The following TMEM260 variants were observed in gnomAD, a reference collection of about 807,000 sequenced individuals.
TMEM260 encodes transmembrane protein 260.
In TMEM260, 82 loss-of-function variants were observed where a neutral mutation model predicts 88.9. That is an observed-to-expected ratio of 0.92 (90% CI 0.77 to 1.11). The LOEUF is 1.11. Ranked by LOEUF, TMEM260 falls within the 50% of genes least tolerant of loss-of-function variation. TMEM260 has a pLI of 0.00. For missense variants in TMEM260, 902 were observed against 853.4 expected (o/e 1.06, Z -0.71); for synonymous variants, 314 against 309.3 (o/e 1.02, Z -0.16).
chr14:56,623,170 G>A (rs1888037112), intron 11 of TMEM260, among the ~76,000 whole-genome samples: 1 of 152,174 alleles, frequency 6.6e-6, no homozygotes, highest in African/African-American at 2.4e-5. Context: ...GCATTTGAAT[G>A]CAAGAAACAG....
rs527778376 is a variant in TMEM260, at chr14:56,601,135, T to G, written c.345-2680T>G. On this transcript the variant is annotated intron_variant, in intron 3 of 15. Transcript: ENST00000261556. ...TATCATCGAAGTCAAAAATTTTACT[T>G]TACATTCTTCAATTTTTAAAACCTT... Among the ~76,000 whole-genome samples the G allele has an allele frequency of 3.3e-5, 5 of 152,292 alleles. No homozygotes were observed. In the South Asian group the frequency reaches 1.0e-3, roughly 32 times the overall value.
rs1322927673 is a variant in TMEM260 at position 56,617,396 on chromosome 14, A to G, written c.1056+99A>G. Reference sequence around the variant, plus strand: ...TGTAGAAGGGCAAATTACTTGAGGAATAGTTAAAATTTTATATACATTTTT... The same window carrying G: ...TGTAGAAGGGCAAATTACTTGAGGAGTAGTTAAAATTTTATATACATTTTT... On this transcript the variant is annotated intron_variant, in intron 9 of 15. Coordinates refer to ENST00000261556, the MANE Select transcript of TMEM260 (RefSeq NM_017799.4). 17 of 677,634 alleles carry G rather than the reference A, an allele frequency of 2.5e-5. 1 individual carries two copies. The highest frequency in any genetic ancestry group is 5.0e-4 in the Middle Eastern group (2 of 3,994). 42.0% of individuals were successfully genotyped at this position (677,634 alleles called of 1,614,324 possible).
chr14:56,632,825 C>T (rs1025379554), intron 12 of TMEM260, among the ~76,000 whole-genome samples, 170 bp from the exon 13 acceptor site: 1 of 152,098 alleles, frequency 6.6e-6, no homozygotes, highest in African/African-American at 2.4e-5. Context: ...GTTGCCATAC[C>T]TCTTTCACAA....
chr14:56,596,310 A>T (rs918952044), intron 3 of TMEM260, among the ~76,000 whole-genome samples: 17 of 151,576 alleles, frequency 1.1e-4, no homozygotes, highest in African/African-American at 4.1e-4. Flanking sequence ...AATAATATAT[A>T]TATGGGAAAC....
downstream of TMEM260, chr14:56,650,278 G>C (rs7159773): frequency 3.0e-6 from 1 of 333,072 alleles, no homozygotes; most frequent in Non-Finnish European, 5.9e-6. Flanking sequence ...GTGGGAGCCA[G>C]TGAAACTGTC....
intron 4 of TMEM260, 135 bp from the exon 5 acceptor site, chr14:56,605,435 T>A (rs1301594614): frequency 2.4e-6 from 1 of 418,594 alleles, no homozygotes; most frequent in African/African-American, 2.1e-5. Flanking sequence ...TTAAAATAAC[T>A]GCTTGCATCT....
intron 3 of TMEM260, among the ~76,000 whole-genome samples, chr14:56,589,797 A>G (rs1208587226): frequency 6.6e-6 from 1 of 152,196 alleles, no homozygotes; most frequent in Non-Finnish European, 1.5e-5. Flanking sequence ...ATTAAATTTT[A>G]GAAGGCGAAG....
chr14:56,609,143 A>T lies in TMEM260; in HGVS notation c.674A>T (p.Tyr225Phe). The change falls in exon 6 of 16, where the codon TAC (tyrosine) becomes TTC (phenylalanine). Residue 225 changes from tyrosine to phenylalanine, a missense_variant. Coordinates refer to ENST00000261556, the MANE Select transcript of TMEM260 (RefSeq NM_017799.4). ...GGCTCTTTGTTGAAGTTGAGCCTGT[A>T]CTTCTCTGCTGGTTTGCTGCCCTAT... ...SLGSLLKLSL[Y>F]FSAGLLPYVH... 1 of 1,614,120 alleles carries T rather than the reference A, an allele frequency of 6.2e-7. No homozygotes were observed.
intron 15 of TMEM260, among the ~76,000 whole-genome samples, chr14:56,636,829 C>T (rs1889129726): frequency 6.6e-6 from 1 of 152,136 alleles, no homozygotes; most frequent in African/African-American, 2.4e-5. Flanking sequence ...ATGTCTAGTC[C>T]TAATCTCCAC....
chr14:56,617,520 T>TTTAAATAGTTAAATAGTTAAATA (rs1281267425), intron 9 of TMEM260, among the ~76,000 whole-genome samples: 2 of 152,188 alleles, frequency 1.3e-5, no homozygotes, highest in African/African-American at 4.8e-5. Context: ...GAAAAGTAAA[T>TTTAAATAGTTAAATAGTTAAATA]GTAAAGTAGA....
chr14:56,594,704 C>T (rs1336911628), intron 3 of TMEM260, among the ~76,000 whole-genome samples: 1 of 152,158 alleles, frequency 6.6e-6, no homozygotes, highest in Non-Finnish European at 1.5e-5. Context: ...CTCAGATTAA[C>T]AATTTCATTT....
At chr14:56,630,976 AGT>A (rs1297943457) in intron 12 of TMEM260, among the ~76,000 whole-genome samples, 2 of 152,074 alleles carry the variant, frequency 1.3e-5, no homozygotes, top group Non-Finnish European at 2.9e-5. Flanking sequence ...ACTGGCGGCG[AGT>A]GTGTGAGTTA....
chr14:56,629,116 G>C (rs2139616298), intron 12 of TMEM260, among the ~76,000 whole-genome samples: 1 of 151,918 alleles, frequency 6.6e-6, no homozygotes, highest in Non-Finnish European at 1.5e-5. Context: ...GGCTGGTCTT[G>C]AACTCCTGAC....
At position 56,610,501 on chromosome 14, in the gene TMEM260, C is replaced by G. The variant is rs141528899; in HGVS notation, c.816+1216C>G. Among the ~76,000 whole-genome samples, 655 of 152,246 alleles carry G rather than the reference C, an allele frequency of 4.3e-3. 5 individuals carry two copies. The highest frequency in any genetic ancestry group is 0.015 in the African/African-American group (623 of 41,538). On this transcript the variant is annotated intron_variant, in intron 6 of 15. Coordinates refer to ENST00000261556, the MANE Select transcript of TMEM260 (RefSeq NM_017799.4). ...TCGTGATCCACCCTCCTCGGCCTCC[C>G]AAAGTGCGGGGATTACAGGCGTGAG...
intron 10 of TMEM260, among the ~76,000 whole-genome samples, chr14:56,620,666 C>T (rs968360489): frequency 6.6e-6 from 1 of 152,188 alleles, no homozygotes; most frequent in Non-Finnish European, 1.5e-5. Flanking sequence ...ATTTTTACAT[C>T]AATTACAAAG....
downstream of TMEM260, among the ~76,000 whole-genome samples, chr14:56,654,814 C>CAAAAAAAA (rs750160414): frequency 3.9e-5 from 2 of 51,788 alleles, no homozygotes; most frequent in Admixed American, 2.8e-4. Flanking sequence ...AACTCCATCT[C>CAAAAAAAA]AAAAAAAAAA....
At chr14:56,631,078 G>C (rs1888560358) in intron 12 of TMEM260, among the ~76,000 whole-genome samples, 1 of 152,166 alleles carries the variant, frequency 6.6e-6, no homozygotes, top group South Asian at 2.1e-4. Context: ...GACAGAAGGA[G>C]AGACCAAGGC....
At chr14:56,630,974 C>T (rs1347456980) in intron 12 of TMEM260, among the ~76,000 whole-genome samples, 6 of 152,148 alleles carry the variant, frequency 3.9e-5, no homozygotes, top group East Asian at 3.9e-4. Flanking sequence ...TTACTGGCGG[C>T]GAGTGTGTGA....
chr14:56,634,613 CAGGTGATCACCTGAGGTCAGG>C, intron 13 of TMEM260, among the ~76,000 whole-genome samples: 1 of 152,196 alleles, frequency 6.6e-6, no homozygotes, highest in East Asian at 1.9e-4. Flanking sequence ...GAGGCTAAAG[CAGGTGATCACCTGAGGTCAGG>C]AGTTTGAAAC....
Sources: gnomAD v4.1 joint callset for allele counts (sites outside exome capture counted in the v4.1 genomes callset) on GRCh38, gnomAD v4.1.1 for gene constraint, MANE v1.5 for transcripts, NCBI Gene and HGNC (gene_info 2026-07-23, HGNC 2026-07-21) for gene names.